Variants in BMPER observed in about 807,000 individuals in gnomAD.
BMPER encodes BMP binding endothelial regulator.
Under a neutral mutation model 87.3 loss-of-function variants are expected in BMPER, and 45 were observed. The ratio of observed to expected loss-of-function variants is 0.52; its 90% CI spans 0.41 to 0.66. The LOEUF (loss-of-function observed/expected upper bound fraction) is 0.66. Ranked by LOEUF, BMPER falls within the 30% of genes least tolerant of loss-of-function variation. The pLI is 0.00. For synonymous variants in BMPER, 326 were observed against 316.2 expected (o/e 1.03, Z -0.33); for missense variants, 784 against 867.5 (o/e 0.90, Z 1.21).
chr7:33,941,065 CATATAATTTATATATTTAT>C (rs1365251904), intron 3 of BMPER, among the ~76,000 whole-genome samples: 1 of 126,326 alleles, frequency 7.9e-6, no homozygotes, highest in Admixed American at 8.9e-5. Flanking sequence ...TAATATATTA[CATATAATTTATATATTTAT>C]ATATAATTTA....
intron 13 of BMPER, among the ~76,000 whole-genome samples, chr7:34,128,678 TG>T (rs1790466065): frequency 6.6e-6 from 1 of 152,166 alleles, no homozygotes; most frequent in Non-Finnish European, 1.5e-5. Flanking sequence ...ACATGGAAGC[TG>T]AAATAGAATA....
chr7:33,934,021 G>A (rs1281380452), intron 2 of BMPER, among the ~76,000 whole-genome samples: 2 of 152,216 alleles, frequency 1.3e-5, no homozygotes, highest in Non-Finnish European at 2.9e-5. Context: ...ATTAGAAAAT[G>A]TTTCTTGAAT....
chr7:34,075,112 A>G lies in BMPER; in HGVS notation c.1079-3745A>G, dbSNP rs1244083968. On this transcript the variant is annotated intron_variant, in intron 11 of 14. Transcript: ENST00000649409. Reference sequence around the variant, plus strand: ...CTCAGAAGAAAGGCATTTCATTAGAATAAATATATCCATGACATAAATAAA... The same window carrying G: ...CTCAGAAGAAAGGCATTTCATTAGAGTAAATATATCCATGACATAAATAAA... Among the ~76,000 whole-genome samples, 4 of 152,188 alleles carry G rather than the reference A, an allele frequency of 2.6e-5. No homozygotes were observed. The South Asian group carries it at 8.3e-4, about 31-fold the overall frequency.
chr7:34,041,308 CA>C (rs2127955642), intron 6 of BMPER, among the ~76,000 whole-genome samples: 1 of 152,246 alleles, frequency 6.6e-6, no homozygotes, highest in East Asian at 1.9e-4. Context: ...TACCTAAGCA[CA>C]GTACCTGGCA....
At chr7:34,093,282 A>G (rs1446520971) in intron 13 of BMPER, among the ~76,000 whole-genome samples, 1 of 152,214 alleles carries the variant, frequency 6.6e-6, no homozygotes, top group Non-Finnish European at 1.5e-5. Flanking sequence ...GCCAACCAGC[A>G]ATGCTCACCC....
At chr7:34,018,038 A>T (rs545535585) in intron 6 of BMPER, among the ~76,000 whole-genome samples, 1 of 151,748 alleles carries the variant, frequency 6.6e-6, no homozygotes, top group Non-Finnish European at 1.5e-5. Flanking sequence ...CATTACTTCA[A>T]TGTGGCCTAA....
chr7:33,905,806 GTGGCGCTGGCTTGCCCC>G, intron 1 of BMPER, 60 bp downstream of exon 1: 6 of 1,493,328 alleles, frequency 4.0e-6, no homozygotes, highest in Non-Finnish European at 5.5e-6. Context: ...CCTGGGAAAG[GTGGCGCTGGCTTGCCCC>G]GGGGATGGGA....
chr7:34,031,923 T>C (rs867528370), intron 6 of BMPER, among the ~76,000 whole-genome samples: 3,578 of 103,158 alleles, frequency 0.035, 78 homozygotes, highest in African/African-American at 0.079. Flanking sequence ...TATATATATA[T>C]ATATACACAC....
At chr7:34,009,022 C>T (rs1038907962) in intron 6 of BMPER, among the ~76,000 whole-genome samples, 2 of 151,746 alleles carry the variant, frequency 1.3e-5, no homozygotes, top group African/African-American at 4.8e-5. Context: ...TGGGGTCTCA[C>T]TATGTTGCCC....
At chr7:34,026,887 T>A (rs1787371416) in intron 6 of BMPER, among the ~76,000 whole-genome samples, 1 of 152,080 alleles carries the variant, frequency 6.6e-6, no homozygotes, top group East Asian at 1.9e-4. Flanking sequence ...GGAACAAAAC[T>A]CATGTTTTCT....
At chr7:33,919,566 T>C (rs1315234937) in intron 2 of BMPER, among the ~76,000 whole-genome samples, 1 of 152,040 alleles carries the variant, frequency 6.6e-6, no homozygotes, top group East Asian at 1.9e-4. Context: ...TCAGGTTAGG[T>C]GGGGAGCACA....
intron 3 of BMPER, among the ~76,000 whole-genome samples, chr7:33,947,253 A>G (rs540798224): frequency 1.3e-5 from 2 of 152,202 alleles, no homozygotes; most frequent in South Asian, 2.1e-4. Flanking sequence ...TTCATGAACA[A>G]TAATGTGTTT....
rs921206336 is a variant in BMPER, at chr7:34,087,257, C to T, written c.1745+1165C>T. On this transcript the variant is annotated intron_variant, in intron 13 of 14. Coordinates refer to ENST00000649409, the MANE Select transcript of BMPER (RefSeq NM_001365308.1). ...TAACTTGAATTCTCTGGGTTCCCTT[C>T]TTTCTCCTCTCTGTACCACCCCTAG... Among the ~76,000 whole-genome samples the T allele has an allele frequency of 7.9e-5, 12 of 152,158 alleles. No individual in the cohort carries two copies. In the East Asian group the frequency reaches 2.3e-3, roughly 29 times the overall value.
At chr7:33,989,378 T>A (rs1457309445) in intron 6 of BMPER, among the ~76,000 whole-genome samples, 20 of 151,918 alleles carry the variant, frequency 1.3e-4, no homozygotes, top group Non-Finnish European at 2.4e-4. Context: ...GATGATGAGC[T>A]TTTTTTCATG....
chr7:33,906,304 G>T (rs1348111272), intron 1 of BMPER, among the ~76,000 whole-genome samples: 3 of 152,168 alleles, frequency 2.0e-5, no homozygotes, highest in Non-Finnish European at 4.4e-5. Flanking sequence ...AAAATATGGA[G>T]TCAATTTCTA....
rs1157221364 is a variant in BMPER at position 34,085,897 on chromosome 7, T to C, written c.1550T>C (p.Phe517Ser). The change falls in exon 13 of 15, where the codon TTT (phenylalanine) becomes TCT (serine). Residue 517 changes from phenylalanine to serine, a missense_variant. Physicochemically the swap from Phe to Ser is radical, Grantham distance 155. Transcript: ENST00000649409. Reference protein sequence around the residue: ...DLIGGDGNFKFDVDDFAESWR... With the variant: ...DLIGGDGNFKSDVDDFAESWR... ...ATTGGTGGAGATGGAAACTTCAAGT[T>C]TGATGTGGATGACTTTGCTGAATCT... 9.9e-6 allele frequency: 16 copies of C among 1,613,914 alleles called. No homozygotes were observed. Among genetic ancestry groups the C allele is most frequent in the Non-Finnish European group, 1.4e-5 (16 of 1,180,008 alleles).
At chr7:34,029,464 T>A (rs1188331982) in intron 6 of BMPER, among the ~76,000 whole-genome samples, 1 of 152,042 alleles carries the variant, frequency 6.6e-6, no homozygotes, top group East Asian at 1.9e-4. Flanking sequence ...CTCTTGCTGC[T>A]CCCAGCTTGT....
intron 2 of BMPER, among the ~76,000 whole-genome samples, chr7:33,915,535 T>C (rs1401204195): frequency 6.6e-6 from 1 of 152,172 alleles, no homozygotes; most frequent in Non-Finnish European, 1.5e-5. Flanking sequence ...TCTGAATGTA[T>C]GGGTTTGAGT....
chr7:34,015,085 A>C (rs1355356671), intron 6 of BMPER, among the ~76,000 whole-genome samples: 1 of 151,938 alleles, frequency 6.6e-6, no homozygotes, highest in Non-Finnish European at 1.5e-5. Context: ...TGTATTCTGA[A>C]GATTCATCTA....
Sources: allele counts gnomAD v4.1 joint callset (sites outside exome capture counted in the v4.1 genomes callset), GRCh38; gene constraint gnomAD v4.1.1; transcripts MANE v1.5; gene names NCBI Gene and HGNC (gene_info 2026-07-23, HGNC 2026-07-21).